Variants in DLGAP2 observed in about 807,000 individuals in gnomAD.
DLGAP2 encodes the protein DLG associated protein 2, also known as disks large-associated protein 2.
DLGAP2 carries 26 observed loss-of-function variants against 100.3 expected under a neutral mutation model. The observed-to-expected ratio is 0.26, with a 90% CI of 0.19 to 0.36. The LOEUF is 0.36. DLGAP2 is among the 10% of genes least tolerant of loss of function. DLGAP2 has a pLI of 1.00. For missense variants in DLGAP2, 1,858 were observed against 1,453.2 expected (o/e 1.28, Z -4.53); for synonymous variants, 886 against 630.1 (o/e 1.41, Z -6.08).
chr8:1,092,890 C>T (rs939291864), intron 2 of DLGAP2, among the ~76,000 whole-genome samples: 4 of 152,192 alleles, frequency 2.6e-5, no homozygotes, highest in Non-Finnish European at 5.9e-5. Flanking sequence ...CAGCCACTTA[C>T]ACTGTGTGGT....
intron 1 of DLGAP2, among the ~76,000 whole-genome samples, chr8:793,362 T>G (rs1452661256): frequency 2.0e-5 from 3 of 152,218 alleles, no homozygotes; most frequent in African/African-American, 7.2e-5. Flanking sequence ...CTGTTGTCTT[T>G]CTTTGTCAAT....
chr8:1,598,392 G>C (rs1001911076), intron 6 of DLGAP2, among the ~76,000 whole-genome samples: 23 of 152,200 alleles, frequency 1.5e-4, no homozygotes, highest in African/African-American at 5.3e-4. Context: ...ATGAGTTAGA[G>C]AGGAGTCCGT....
At chr8:822,813 C>T (rs1050578768) in intron 1 of DLGAP2, among the ~76,000 whole-genome samples, 74 of 152,154 alleles carry the variant, frequency 4.9e-4, no homozygotes, top group African/African-American at 1.6e-3. Context: ...GTGGACGCCA[C>T]AGTGACCACT....
chr8:975,904 G>A (rs2129013136), intron 2 of DLGAP2, among the ~76,000 whole-genome samples: 2 of 148,130 alleles, frequency 1.4e-5, no homozygotes, highest in Middle Eastern at 6.8e-3. Flanking sequence ...CAAGACGGGA[G>A]AAATAAACCT....
intron 2 of DLGAP2, among the ~76,000 whole-genome samples, chr8:1,055,871 A>ATGG (rs1429140052): frequency 4.6e-5 from 7 of 152,212 alleles, no homozygotes; most frequent in African/African-American, 1.7e-4. Context: ...CACAATATTT[A>ATGG]ATCTCTATGG....
At chr8:966,012 C>T (rs1799862374) in intron 2 of DLGAP2, among the ~76,000 whole-genome samples, 1 of 152,036 alleles carries the variant, frequency 6.6e-6, no homozygotes. Context: ...GGACTCTCAG[C>T]TCTGCCGTGA....
intron 2 of DLGAP2, among the ~76,000 whole-genome samples, chr8:1,117,191 T>C (rs1292135693): frequency 6.6e-6 from 1 of 152,158 alleles, no homozygotes; most frequent in Non-Finnish European, 1.5e-5. Flanking sequence ...GTTTGACCTG[T>C]CTTCTTGAGG....
intron 2 of DLGAP2, among the ~76,000 whole-genome samples, chr8:1,126,017 A>C (rs1235253874): frequency 2.6e-5 from 4 of 152,216 alleles, no homozygotes; most frequent in African/African-American, 4.8e-5. Context: ...GAAGTTGATA[A>C]TTTGTAAAAC....
intron 3 of DLGAP2, among the ~76,000 whole-genome samples, chr8:1,378,657 C>G (rs1456269412): frequency 6.6e-6 from 1 of 152,264 alleles, no homozygotes; most frequent in East Asian, 1.9e-4. Flanking sequence ...CCGTCCTGCA[C>G]ACATGGGTTG....
chr8:1,205,418 C>A (rs531524820), intron 2 of DLGAP2, among the ~76,000 whole-genome samples: 2 of 151,096 alleles, frequency 1.3e-5, no homozygotes, highest in African/African-American at 4.9e-5. Flanking sequence ...ACGTCTCAGC[C>A]GGCTCTTCCT....
intron 2 of DLGAP2, among the ~76,000 whole-genome samples, chr8:1,164,284 C>CAGATTTTTCTG (rs1796964796): frequency 1.8e-5 from 1 of 55,746 alleles, no homozygotes. Context: ...TTTGTGGGGA[C>CAGATTTTTCTG]TGATTGTGAG....
intron 3 of DLGAP2, among the ~76,000 whole-genome samples, chr8:1,414,853 A>G (rs1796834367): frequency 1.3e-5 from 2 of 152,146 alleles, no homozygotes; most frequent in Admixed American, 6.5e-5. Flanking sequence ...TACTAAAAGT[A>G]CAAAAATTAG....
At chr8:1,089,128 C>T (rs1309019692) in intron 2 of DLGAP2, among the ~76,000 whole-genome samples, 3 of 149,852 alleles carry the variant, frequency 2.0e-5, no homozygotes, top group African/African-American at 7.4e-5. Flanking sequence ...TCTCTCCACC[C>T]CTCATCCAGC....
intron 1 of DLGAP2, among the ~76,000 whole-genome samples, chr8:864,365 T>C (rs979210069): frequency 6.6e-6 from 1 of 152,214 alleles, no homozygotes; most frequent in East Asian, 1.9e-4. Context: ...ACGATGAAAG[T>C]AGGAGATGAT....
At chr8:1,060,377 G>C (rs1023816198) in intron 2 of DLGAP2, among the ~76,000 whole-genome samples, 1 of 78,082 alleles carries the variant, frequency 1.3e-5, no homozygotes, top group East Asian at 6.5e-4. Context: ...TCCCAAGGCG[G>C]GCTCCCTCTG....
In DLGAP2 at chr8:1,583,488, G is replaced by A. The variant is rs1224289090; in HGVS notation, c.1442+17594G>A. On this transcript the variant is annotated intron_variant, in intron 6 of 14. Transcript: ENST00000637795. The stretch of plus-strand genomic sequence containing the variant: ...GGGTGGCTGTGCCTCCGTAGGCAGG[G>A]AGCGTCGGGGCTGCTTTTGAGACCT... 2.6e-5 allele frequency among the ~76,000 whole-genome samples: 4 copies of A among 152,342 alleles called. No individual in the cohort carries two copies. In the East Asian group the frequency reaches 7.7e-4, roughly 29 times the overall value.
intron 4 of DLGAP2, among the ~76,000 whole-genome samples, chr8:1,526,440 T>G (rs1326988015): frequency 6.6e-6 from 1 of 152,006 alleles, no homozygotes; most frequent in African/African-American, 2.4e-5. Flanking sequence ...TTTAGACTCA[T>G]TCAACTTAGA....
In DLGAP2 at chr8:1,172,884, C is replaced by G. The variant is rs138264565; in HGVS notation, c.74-85967C>G. On this transcript the variant is annotated intron_variant, in intron 2 of 14. Transcript: ENST00000637795. ...CTGAACCCTTCTTCTCTCATCTCGT[C>G]AAAGTCATTCTCCGTCCAGCTTTGT... is the stretch of plus-strand genomic sequence containing the variant. 6.3e-3 allele frequency among the ~76,000 whole-genome samples: 961 copies of G among 152,328 alleles called. 12 individuals are homozygous for G. The highest frequency in any genetic ancestry group is 0.022 in the African/African-American group (925 of 41,564).
chr8:1,522,316 T>C (rs542590969), intron 4 of DLGAP2, among the ~76,000 whole-genome samples: 1 of 152,382 alleles, frequency 6.6e-6, no homozygotes, highest in African/African-American at 2.4e-5. Context: ...TGTTGAAATA[T>C]GCCTTGTGGT....
Sources: allele counts gnomAD v4.1 joint callset (sites outside exome capture counted in the v4.1 genomes callset), GRCh38; gene constraint gnomAD v4.1.1; transcripts MANE v1.5; gene names NCBI Gene and HGNC (gene_info 2026-07-23, HGNC 2026-07-21).